Variants in WWOX observed in about 807,000 individuals in gnomAD.
WWOX encodes WW domain-containing oxidoreductase.
A neutral mutation model predicts 46.2 loss-of-function variants in WWOX; 69 were observed. The observed-to-expected ratio is 1.49, with a 90% CI of 1.23 to 1.82. The LOEUF is 1.82. Ranked by LOEUF, WWOX falls within the 40% of genes most tolerant of loss-of-function variation. WWOX has a pLI of 0.00. For missense variants in WWOX, 919 were observed against 542.6 expected (o/e 1.69, Z -6.89); for synonymous variants, 359 against 202.6 (o/e 1.77, Z -6.56).
intron 6 of WWOX, among the ~76,000 whole-genome samples, chr16:78,424,652 G>T (rs1475891776): frequency 6.6e-6 from 1 of 152,144 alleles, no homozygotes; most frequent in Non-Finnish European, 1.5e-5. Flanking sequence ...AGCAACGGAG[G>T]ACAGTTGCCC....
At chr16:78,966,345 T>C (rs771754599) in intron 8 of WWOX, among the ~76,000 whole-genome samples, 1 of 152,190 alleles carries the variant, frequency 6.6e-6, no homozygotes, top group African/African-American at 2.4e-5. Context: ...CCGTTTACTG[T>C]ACACCCCCTA....
intron 1 of WWOX, among the ~76,000 whole-genome samples, chr16:78,106,421 GTTTT>G (rs34551316): frequency 8.1e-6 from 1 of 122,970 alleles, no homozygotes. Context: ...GTTTTTTTTT[GTTTT>G]TTTTTTTTTT....
At chr16:79,052,628 G>A (rs1466773279) in intron 8 of WWOX, among the ~76,000 whole-genome samples, 1 of 152,196 alleles carries the variant, frequency 6.6e-6, no homozygotes, top group African/African-American at 2.4e-5. Context: ...AATACAGAAT[G>A]TGAGGTCCCT....
chr16:78,664,272 C>G lies in WWOX; in HGVS notation c.1056+231520C>G, dbSNP rs1268158974. On this transcript the variant is annotated intron_variant, in intron 8 of 8. Transcript: ENST00000566780. ...TTCGTGTCTCCCTCCCACTGGACCA[C>G]AAGCCCCTAACTCTTCATGTACACA... is the stretch of plus-strand genomic sequence containing the variant. Among the ~76,000 whole-genome samples, 3 of 152,190 alleles carry G rather than the reference C, an allele frequency of 2.0e-5. No individual in the cohort carries two copies. The South Asian group carries it at 6.2e-4, about 31-fold the overall frequency.
intron 8 of WWOX, among the ~76,000 whole-genome samples, chr16:78,757,521 A>G (rs1040611278): frequency 1.3e-5 from 2 of 152,172 alleles, no homozygotes; most frequent in African/African-American, 4.8e-5. Context: ...TAAATTTTAC[A>G]GGTAGTTGGG....
chr16:79,192,629 G>A (rs2051159493), intron 8 of WWOX, among the ~76,000 whole-genome samples: 1 of 152,178 alleles, frequency 6.6e-6, no homozygotes. Flanking sequence ...ACTGATTTGT[G>A]TGGCCCTATG....
intron 4 of WWOX, among the ~76,000 whole-genome samples, chr16:78,116,832 C>G (rs190124433): frequency 1.3e-3 from 205 of 152,328 alleles, no homozygotes; most frequent in Middle Eastern, 3.4e-3. Context: ...TCTAGCTAGA[C>G]TCTTTTTCTG....
intron 8 of WWOX, among the ~76,000 whole-genome samples, chr16:78,998,608 T>G (rs2047035239): frequency 6.6e-6 from 1 of 152,244 alleles, no homozygotes; most frequent in African/African-American, 2.4e-5. Flanking sequence ...TTTCTTAGTA[T>G]ATACAATAGG....
At chr16:78,476,214 C>G (rs942488860) in intron 8 of WWOX, among the ~76,000 whole-genome samples, 10 of 152,140 alleles carry the variant, frequency 6.6e-5, no homozygotes, top group African/African-American at 2.2e-4. Context: ...TTGCATTTCT[C>G]TGATGGCCAG....
At chr16:78,639,735 T>G (rs1363429971) in intron 8 of WWOX, among the ~76,000 whole-genome samples, 1 of 152,130 alleles carries the variant, frequency 6.6e-6, no homozygotes, top group Admixed American at 6.5e-5. Flanking sequence ...AGCTAATTTT[T>G]TGTCTTTTTT....
At chr16:78,688,688 G>T (rs930938464) in intron 8 of WWOX, among the ~76,000 whole-genome samples, 1 of 152,112 alleles carries the variant, frequency 6.6e-6, no homozygotes, top group African/African-American at 2.4e-5. Context: ...TTGGGGAAGG[G>T]GCAAGGGATT....
intron 8 of WWOX, among the ~76,000 whole-genome samples, chr16:78,682,614 C>T (rs2047756126): frequency 6.6e-6 from 1 of 152,096 alleles, no homozygotes; most frequent in African/African-American, 2.4e-5. Flanking sequence ...TGTGGTGGTT[C>T]ACCCCTGTAA....
chr16:78,696,472 G>A (rs914020126), intron 8 of WWOX, among the ~76,000 whole-genome samples: 4 of 151,780 alleles, frequency 2.6e-5, no homozygotes, highest in Admixed American at 6.6e-5. Context: ...TTTGAGTTTC[G>A]ATTTTTTTTT....
intron 8 of WWOX, among the ~76,000 whole-genome samples, chr16:78,607,203 T>C (rs1396091530): frequency 6.6e-6 from 1 of 152,214 alleles, no homozygotes; most frequent in Non-Finnish European, 1.5e-5. Flanking sequence ...CTTCATATTT[T>C]ATTATAAAAA....
At chr16:78,927,354 G>C (rs556132520) in intron 8 of WWOX, among the ~76,000 whole-genome samples, 2 of 152,266 alleles carry the variant, frequency 1.3e-5, no homozygotes, top group East Asian at 1.9e-4. Flanking sequence ...TAATTTCCTT[G>C]AGTTTTGGTG....
chr16:79,105,820 AC>A (rs1296387533), intron 8 of WWOX: 1 of 151,790 alleles, frequency 6.6e-6, no homozygotes, highest in African/African-American at 2.4e-5. Context: ...TCACCACCAC[AC>A]CCAGCTAAAT....
At chr16:78,448,155 T>C (rs141033930) in intron 8 of WWOX, among the ~76,000 whole-genome samples, 135 of 152,272 alleles carry the variant, frequency 8.9e-4, no homozygotes, top group African/African-American at 3.1e-3. Context: ...CTCTCATTAC[T>C]TGCCCCCAAT....
chr16:78,440,146 T>C (rs1376553616), intron 8 of WWOX, among the ~76,000 whole-genome samples: 1 of 152,228 alleles, frequency 6.6e-6, no homozygotes, highest in Non-Finnish European at 1.5e-5. Flanking sequence ...ACAGGCACTG[T>C]TGAATACGTA....
intron 8 of WWOX, among the ~76,000 whole-genome samples, chr16:78,840,122 A>G (rs935304537): frequency 4.6e-5 from 7 of 152,244 alleles, no homozygotes; most frequent in Non-Finnish European, 8.8e-5. Context: ...ATAAGTTATC[A>G]TTATGGCATG....
Sources: gnomAD v4.1 joint callset for allele counts (sites outside exome capture counted in the v4.1 genomes callset) on GRCh38, gnomAD v4.1.1 for gene constraint, MANE v1.5 for transcripts, NCBI Gene and HGNC (gene_info 2026-07-23, HGNC 2026-07-21) for gene names.